The following ADD3 variants were observed in gnomAD, a reference collection of about 807,000 sequenced individuals.
The protein encoded by ADD3 is adducin 3.
Under a neutral mutation model 80.2 loss-of-function variants are expected in ADD3, and 25 were observed. That is an observed-to-expected ratio of 0.31 (90% CI 0.23 to 0.44). The LOEUF (loss-of-function observed/expected upper bound fraction) is 0.44, where lower values mean the gene tolerates loss of function less well. Among genes scored for constraint, ADD3 ranks in the 20% least tolerant of loss-of-function variants. The pLI is 1.00. For missense variants in ADD3, 829 were observed against 847.5 expected (o/e 0.98, Z 0.27); for synonymous variants, 284 against 289.6 (o/e 0.98, Z 0.20).
chr10:110,112,093 C>G (rs1850103004), intron 2 of ADD3: 1 of 151,732 alleles, frequency 6.6e-6, no homozygotes, highest in South Asian at 2.1e-4. Context: ...ACTCTGTATT[C>G]AAAGTTGTGC....
chr10:110,016,956 G>A (rs1352521061), intron 1 of ADD3, among the ~76,000 whole-genome samples: 1 of 152,076 alleles, frequency 6.6e-6, no homozygotes, highest in Non-Finnish European at 1.5e-5. Context: ...TGAAATTGTT[G>A]CTATAAAAAT....
chr10:110,024,326 A>T (rs971340877), intron 1 of ADD3, among the ~76,000 whole-genome samples: 1 of 152,172 alleles, frequency 6.6e-6, no homozygotes, highest in Non-Finnish European at 1.5e-5. Flanking sequence ...TGAAACTTCA[A>T]AAGTAAACAT....
intron 1 of ADD3, among the ~76,000 whole-genome samples, chr10:110,080,009 T>C (rs1397912910): frequency 3.9e-5 from 6 of 152,194 alleles, no homozygotes; most frequent in Non-Finnish European, 8.8e-5. Flanking sequence ...CGTTTTGGGA[T>C]AGAACCCAGA....
intron 2 of ADD3, among the ~76,000 whole-genome samples, chr10:110,103,725 G>C (rs1849097865): frequency 6.6e-6 from 1 of 152,090 alleles, no homozygotes; most frequent in Non-Finnish European, 1.5e-5. Flanking sequence ...TAGAGACAGG[G>C]TCTTACTGTG....
At chr10:110,109,952 A>T (rs1336180125) in intron 2 of ADD3, among the ~76,000 whole-genome samples, 2 of 152,174 alleles carry the variant, frequency 1.3e-5, no homozygotes, top group African/African-American at 4.8e-5. Context: ...TTTACAAGAC[A>T]GTTTTTCTGA....
chr10:110,007,048 T>C (rs1186950794), upstream of ADD3, among the ~76,000 whole-genome samples: 1 of 151,760 alleles, frequency 6.6e-6, no homozygotes, highest in Non-Finnish European at 1.5e-5. Flanking sequence ...TAGGTTGGGA[T>C]GAGAAACATG....
Position 110,134,935 on chromosome 10 carries a change from T to G in ADD3, c.*1317T>G, listed in dbSNP as rs1853485682. ...AAAAATCTTTTCAGTGACCTTTCTT[T>G]TTAATGTAAATACAAATTTAAACCT... On this transcript the variant is annotated 3_prime_UTR_variant, in exon 15 of 15. Transcript: ENST00000356080. The G allele has an allele frequency of 6.6e-6, 1 of 152,480 alleles. No homozygotes were observed. The highest frequency in any genetic ancestry group is 1.5e-5 in the Non-Finnish European group (1 of 68,040). The allele number at this position is 152,480 out of a possible 1,614,324, so 9.4% of individuals were successfully genotyped here. A position where few individuals can be genotyped will look rare whatever the true frequency, so the allele number is the denominator to read the frequency against.
chr10:110,120,409 A>AT (rs1299927581), intron 8 of ADD3, among the ~76,000 whole-genome samples: 1 of 151,418 alleles, frequency 6.6e-6, no homozygotes, highest in Non-Finnish European at 1.5e-5. Flanking sequence ...TGAACTCATC[A>AT]TTTTTTATGG....
At chr10:110,034,520 A>G (rs113190413) in intron 1 of ADD3, among the ~76,000 whole-genome samples, 3,562 of 152,134 alleles carry the variant, frequency 0.023, 51 homozygotes, top group Non-Finnish European at 0.035. Flanking sequence ...GTAGCAATTA[A>G]ACTAGTCTGT....
intron 1 of ADD3, among the ~76,000 whole-genome samples, chr10:110,065,525 CCTCT>C (rs1403111405): frequency 1.9e-3 from 100 of 51,326 alleles, no homozygotes; most frequent in African/African-American, 3.8e-3. Context: ...TTTTTCTTAG[CCTCT>C]CTCTCTCCCC....
intron 1 of ADD3, among the ~76,000 whole-genome samples, chr10:110,090,369 A>G (rs1168959962): frequency 2.0e-5 from 3 of 151,950 alleles, no homozygotes; most frequent in Non-Finnish European, 2.9e-5. Context: ...ATAGGCATGT[A>G]TCACCACGCC....
intron 1 of ADD3, among the ~76,000 whole-genome samples, chr10:110,082,817 CT>C (rs1458580526): frequency 1.2e-4 from 18 of 152,296 alleles, no homozygotes; most frequent in African/African-American, 3.6e-4. Context: ...TATCTTCACA[CT>C]TTTTTTGTGT....
intron 1 of ADD3, among the ~76,000 whole-genome samples, chr10:110,096,642 C>T (rs772610793): frequency 4.4e-4 from 67 of 152,234 alleles, no homozygotes; most frequent in South Asian, 2.5e-3. Context: ...GGGCCTCTTT[C>T]TCCTCATTTT....
intron 1 of ADD3, among the ~76,000 whole-genome samples, chr10:110,097,809 C>T (rs1043459445): frequency 6.8e-6 from 1 of 147,844 alleles, no homozygotes. Context: ...GAGTCTCGCT[C>T]TGTCACCCAG....
intron 1 of ADD3, among the ~76,000 whole-genome samples, chr10:110,026,513 C>G (rs989863142): frequency 3.3e-5 from 5 of 152,110 alleles, no homozygotes; most frequent in Non-Finnish European, 5.9e-5. Flanking sequence ...CTCCCGACCT[C>G]AGGTGATCCG....
chr10:110,017,247 A>T (rs908525022), intron 1 of ADD3, among the ~76,000 whole-genome samples: 3 of 152,186 alleles, frequency 2.0e-5, no homozygotes, highest in African/African-American at 7.2e-5. Context: ...GATTAGAATG[A>T]TATTTCTGCC....
intron 1 of ADD3, among the ~76,000 whole-genome samples, chr10:110,077,854 T>G (rs1253686217): frequency 6.6e-6 from 1 of 152,172 alleles, no homozygotes. Flanking sequence ...TAAATGCCTT[T>G]GGAGTGTTTA....
At chr10:110,047,642 TGTC>T (rs1453311362) in intron 1 of ADD3, among the ~76,000 whole-genome samples, 1 of 152,226 alleles carries the variant, frequency 6.6e-6, no homozygotes, top group Non-Finnish European at 1.5e-5. Flanking sequence ...TAGAGAAACT[TGTC>T]ATGCTACTTA....
At chr10:110,118,453 C>A in intron 5 of ADD3, 134 bp from the exon 6 acceptor site, 1 of 662,256 alleles carries the variant, frequency 1.5e-6, no homozygotes, top group Non-Finnish European at 2.7e-6. Flanking sequence ...GTAATTGCAG[C>A]AGAGGCCCAC....
Sources: gnomAD v4.1 joint callset for allele counts (sites outside exome capture counted in the v4.1 genomes callset) on GRCh38, gnomAD v4.1.1 for gene constraint, MANE v1.5 for transcripts, NCBI Gene and HGNC (gene_info 2026-07-23, HGNC 2026-07-21) for gene names.